Variants in TMEM163 observed in about 807,000 individuals in gnomAD.
The protein encoded by TMEM163 is transmembrane protein 163.
A neutral mutation model predicts 29.3 loss-of-function variants in TMEM163; 17 were observed. That is an observed-to-expected ratio of 0.58 (90% CI 0.40 to 0.87). The LOEUF (loss-of-function observed/expected upper bound fraction) is 0.87. Ranked by LOEUF, TMEM163 falls within the 40% of genes least tolerant of loss-of-function variation. The probability of loss-of-function intolerance (pLI) is 0.00; values close to 1 mark genes in which losing one functional copy is unlikely to be tolerated. For synonymous variants in TMEM163, 157 were observed against 160.6 expected (o/e 0.98, Z 0.17); for missense variants, 303 against 381.5 (o/e 0.79, Z 1.71).
intron 5 of TMEM163, among the ~76,000 whole-genome samples, chr2:134,490,333 C>G (rs1012739535): frequency 6.6e-6 from 1 of 152,138 alleles, no homozygotes; most frequent in African/African-American, 2.4e-5. Flanking sequence ...TGGCTCTTTC[C>G]TCTTACAACC....
Position 134,648,382 on chromosome 2 carries a change from G to C in TMEM163, c.322+64818C>G, listed in dbSNP as rs887005008. On this transcript the variant is annotated intron_variant, in intron 2 of 7. Coordinates refer to ENST00000281924, the MANE Select transcript of TMEM163 (RefSeq NM_030923.5). ...GAACCTGGGGTTTCTATGGGCACAG[G>C]ATGGGGCTGTGGGGCAGGCCATGGG... Among the ~76,000 whole-genome samples the C allele has an allele frequency of 3.6e-5, 5 of 139,456 alleles. No homozygotes were observed. In the South Asian group the frequency reaches 1.1e-3, roughly 31 times the overall value. 91.5% of individuals were successfully genotyped at this position (139,456 alleles called of 152,430 possible).
At chr2:134,572,788 T>A (rs1033425921) in intron 2 of TMEM163, among the ~76,000 whole-genome samples, 5 of 152,202 alleles carry the variant, frequency 3.3e-5, no homozygotes, top group African/African-American at 1.2e-4. Context: ...TGAGCTCCAC[T>A]TCATGACCTC....
At chr2:134,574,464 G>A (rs1343890360) in intron 2 of TMEM163, among the ~76,000 whole-genome samples, 2 of 152,170 alleles carry the variant, frequency 1.3e-5, no homozygotes, top group African/African-American at 2.4e-5. Flanking sequence ...GAAGGCTAAG[G>A]CAGGAGAATC....
intron 2 of TMEM163, among the ~76,000 whole-genome samples, chr2:134,697,655 G>A (rs781120665): frequency 1.2e-4 from 19 of 152,034 alleles, no homozygotes; most frequent in Admixed American, 3.9e-4. Flanking sequence ...AGTAGAGACG[G>A]GGTTTCGCCA....
chr2:134,592,468 CAG>C (rs1681958502), intron 2 of TMEM163, among the ~76,000 whole-genome samples: 1 of 151,934 alleles, frequency 6.6e-6, no homozygotes, highest in African/African-American at 2.4e-5. Context: ...GATACTATAC[CAG>C]AGTCAGGTTG....
intron 2 of TMEM163, among the ~76,000 whole-genome samples, chr2:134,678,680 T>C (rs1684169892): frequency 6.6e-6 from 1 of 152,298 alleles, no homozygotes; most frequent in African/African-American, 2.4e-5. Flanking sequence ...TCCTTTCCCA[T>C]TCCCCAGGTC....
intron 5 of TMEM163, among the ~76,000 whole-genome samples, chr2:134,475,047 G>T (rs1013783773): frequency 6.6e-6 from 1 of 152,002 alleles, no homozygotes; most frequent in African/African-American, 2.4e-5. Context: ...TTTTGAAAAA[G>T]AACAAGTTTC....
intron 2 of TMEM163, among the ~76,000 whole-genome samples, chr2:134,580,772 G>C (rs1681673869): frequency 6.6e-6 from 1 of 152,168 alleles, no homozygotes. Flanking sequence ...AATTAGCCGA[G>C]AGTGATGGTG....
chr2:134,555,419 C>G (rs1319527518), intron 2 of TMEM163, among the ~76,000 whole-genome samples: 1 of 152,182 alleles, frequency 6.6e-6, no homozygotes, highest in Non-Finnish European at 1.5e-5. Context: ...GCACATGTGG[C>G]TGAGTGTAGT....
intron 2 of TMEM163, among the ~76,000 whole-genome samples, chr2:134,685,961 C>A (rs916959826): frequency 1.3e-5 from 2 of 152,184 alleles, no homozygotes; most frequent in African/African-American, 2.4e-5. Context: ...ATGTCTAGAA[C>A]AAGACTATCT....
chr2:134,528,069 G>A (rs182261288), intron 4 of TMEM163, among the ~76,000 whole-genome samples: 7 of 152,094 alleles, frequency 4.6e-5, no homozygotes, highest in African/African-American at 7.2e-5. Context: ...AAGACAGAAC[G>A]AAAAAGAAAC....
chr2:134,592,301 T>C (rs920999909), intron 2 of TMEM163, among the ~76,000 whole-genome samples: 3 of 152,186 alleles, frequency 2.0e-5, no homozygotes, highest in Non-Finnish European at 4.4e-5. Context: ...TTTTAGTGAA[T>C]CTCTCCTAGA....
chr2:134,630,240 C>G (rs983211769), intron 2 of TMEM163, among the ~76,000 whole-genome samples: 1 of 151,632 alleles, frequency 6.6e-6, no homozygotes, highest in Non-Finnish European at 1.5e-5. Flanking sequence ...ACACAAGAAC[C>G]CAACGAGACA....
intron 4 of TMEM163, among the ~76,000 whole-genome samples, chr2:134,547,128 T>C (rs1680807877): frequency 6.6e-6 from 1 of 152,196 alleles, no homozygotes; most frequent in Non-Finnish European, 1.5e-5. Flanking sequence ...CAACATGAGA[T>C]ACGCTTAACA....
chr2:134,661,929 C>CTT (rs1328565759), intron 2 of TMEM163, among the ~76,000 whole-genome samples: 6 of 121,210 alleles, frequency 5.0e-5, no homozygotes, highest in East Asian at 5.2e-4. Context: ...AATTTTCTTT[C>CTT]TTTTTTTTTT....
chr2:134,644,353 T>C (rs1334323375), intron 2 of TMEM163, among the ~76,000 whole-genome samples: 6 of 152,120 alleles, frequency 3.9e-5, no homozygotes, highest in African/African-American at 1.4e-4. Context: ...ACTACCCAAT[T>C]TGAAGACTTA....
intron 2 of TMEM163, among the ~76,000 whole-genome samples, chr2:134,625,356 C>T (rs1406386711): frequency 6.6e-6 from 1 of 151,930 alleles, no homozygotes; most frequent in African/African-American, 2.4e-5. Context: ...CCCCTAACCC[C>T]ACCACCTAGT....
rs114690838 is a variant in TMEM163, at chr2:134,667,108, C to T, written c.322+46092G>A. On this transcript the variant is annotated intron_variant, in intron 2 of 7. Transcript: ENST00000281924. Reference sequence around the variant, plus strand: ...GAACATCCTTATTCACCAGATTTGACTCAAGTTTGATTCCGAAATCAAACG... The same window carrying T: ...GAACATCCTTATTCACCAGATTTGATTCAAGTTTGATTCCGAAATCAAACG... Among the ~76,000 whole-genome samples the T allele has an allele frequency of 6.5e-3, 994 of 152,322 alleles. 9 individuals are homozygous for T. The highest frequency in any genetic ancestry group is 0.023 in the African/African-American group (940 of 41,566).
chr2:134,564,325 A>T (rs1295760866), intron 2 of TMEM163, among the ~76,000 whole-genome samples: 2 of 152,222 alleles, frequency 1.3e-5, no homozygotes, highest in Non-Finnish European at 2.9e-5. Flanking sequence ...GGCCAGTTGG[A>T]CATCCATATG....
Sources: allele counts gnomAD v4.1 joint callset (sites outside exome capture counted in the v4.1 genomes callset), GRCh38; gene constraint gnomAD v4.1.1; transcripts MANE v1.5; gene names NCBI Gene and HGNC (gene_info 2026-07-23, HGNC 2026-07-21).